The following TTN variants were observed in gnomAD, a reference collection of about 807,000 sequenced individuals.
The protein encoded by TTN is titin, also known as connectin.
In TTN, 1,525 loss-of-function variants were observed where a neutral mutation model predicts 3,223.0. The ratio of observed to expected loss-of-function variants is 0.47; its 90% CI spans 0.45 to 0.49. The LOEUF (loss-of-function observed/expected upper bound fraction) is 0.49, where lower values mean the gene tolerates loss of function less well. Among genes scored for constraint, TTN ranks in the 20% least tolerant of loss-of-function variants. The pLI is 0.00. For missense variants in TTN, 40,786 were observed against 43,424.0 expected, an observed-to-expected ratio of 0.94 and a Z score of 5.40; for synonymous variants, 14,094 against 15,161.0, an observed-to-expected ratio of 0.93 and a Z score of 5.17.
At chr2:178,770,017 G>A (rs2091237474) in intron 36 of TTN, 43 bp downstream of exon 36, 2 of 1,614,062 alleles carry the variant, frequency 1.2e-6, no homozygotes, top group Non-Finnish European at 1.7e-6. Context: ...AGATACATGG[G>A]GTTCATTAAG....
Position 178,739,879 on chromosome 2 carries a change from T to C in TTN, c.13354A>G (p.Thr4452Ala). ...TCAATAATGATGGTTACTTCTTCTGTTACAGACTTTGCCGAAGTAACAAGG... is the reference window on the plus strand; with the variant it reads ...TCAATAATGATGGTTACTTCTTCTGCTACAGACTTTGCCGAAGTAACAAGG... ...MYLVTSAKSV[T>A]EEVTIIIEDV... The change falls in exon 48 of 363, where the codon ACA (threonine) becomes GCA (alanine). Residue 4452 changes from threonine to alanine, a missense_variant. Physicochemically the swap from Thr to Ala is moderately conservative, Grantham distance 58. Transcript: ENST00000589042. The C allele has an allele frequency of 6.2e-7, 1 of 1,613,888 alleles. No homozygotes were observed. Among genetic ancestry groups the C allele is most frequent in the Non-Finnish European group, 8.5e-7 (1 of 1,179,830 alleles).
rs1686454234 is a variant in TTN at position 178,526,428 on chromosome 2, T to C, written c.*584A>G. On this transcript the variant is annotated 3_prime_UTR_variant, in exon 363 of 363. Transcript: ENST00000589042. ...GCCGTTACACTTTGCTCTGGTAATA[T>C]TTGTCATGATAATTTTGTGTGACAT... 1 of 152,794 alleles carries C rather than the reference T, an allele frequency of 6.5e-6. No individual in the cohort carries two copies. Among genetic ancestry groups the C allele is most frequent in the South Asian group, 2.1e-4 (1 of 4,828 alleles). 9.5% of individuals were successfully genotyped at this position (152,794 alleles called of 1,614,324 possible).
chr2:178,759,163 A>G lies in TTN; in HGVS notation c.10124T>C (p.Val3375Ala), dbSNP rs2088242575. 1 of 1,613,964 alleles carries G rather than the reference A, an allele frequency of 6.2e-7. No individual in the cohort carries two copies. Among genetic ancestry groups the G allele is most frequent in the Non-Finnish European group, 8.5e-7 (1 of 1,179,932 alleles). ...TTTCTTGTCTTTGCTGTACCACGAC[A>G]CTTTTAGATCTGCGACACAAAAGAA... ...QCRVSGTDLK[V>A]SWYSKDKKIK... The change falls in exon 44 of 363, where the codon GTG (valine) becomes GCG (alanine). Residue 3375 changes from valine (V) to alanine (A), a missense_variant. Val to Ala is a moderately conservative substitution (Grantham distance 64). Coordinates refer to ENST00000589042, the MANE Select transcript of TTN (RefSeq NM_001267550.2).
At chr2:178,676,553 C>T (rs2068105993) in intron 147 of TTN, among the ~76,000 whole-genome samples, 1 of 151,810 alleles carries the variant, frequency 6.6e-6, no homozygotes, top group Admixed American at 6.6e-5. Context: ...CAATGATAGA[C>T]TACTTTAATA....
rs761292131 is a variant in TTN, at chr2:178,636,361, G to A, written c.41329+37C>T. 5.8e-6 allele frequency: 9 copies of A among 1,553,682 alleles called. No homozygotes were observed. In the South Asian group the frequency reaches 1.1e-4, roughly 19 times the overall value. On this transcript the variant is annotated intron_variant, in intron 225 of 362. Coordinates refer to ENST00000589042, the MANE Select transcript of TTN (RefSeq NM_001267550.2). The surrounding 1 kb of genome is among the most constrained non-coding windows in gnomAD (Gnocchi z 4.3). ...TGCTACTAAGGTTTGTTACATTAAA[G>A]TTTAATATAGATTATGTTCAGAAGA...
At chr2:178,705,139 T>C (rs2075646268) in intron 103 of TTN, 35 bp downstream of exon 103, 1 of 1,597,664 alleles carries the variant, frequency 6.3e-7, no homozygotes, top group African/African-American at 1.4e-5. Flanking sequence ...TAAATGTGAC[T>C]TTTTTAGCAT....
chr2:178,721,487 G>A (rs767715237), intron 78 of TTN, among the ~76,000 whole-genome samples: 2 of 151,418 alleles, frequency 1.3e-5, no homozygotes, highest in Non-Finnish European at 2.9e-5. Flanking sequence ...GTTTGACTAT[G>A]TAAGTTAAAA....
At chr2:178,627,838 T>C (rs1490389519) in intron 240 of TTN, among the ~76,000 whole-genome samples, 1 of 152,062 alleles carries the variant, frequency 6.6e-6, no homozygotes, top group African/African-American at 2.4e-5. Context: ...AGTGTTCCTA[T>C]ATATAAATCA....
chr2:178,628,683 C>T (rs2059390196), intron 240 of TTN: 2 of 152,112 alleles, frequency 1.3e-5, no homozygotes, highest in Non-Finnish European at 2.9e-5. Flanking sequence ...ATTTCATCCA[C>T]ATATGTGGAT....
Position 178,539,023 on chromosome 2 carries a change from C to T in TTN, c.98912G>A (p.Arg32971His), listed in dbSNP as rs4894028. ...GCCAACATCATTCTGTGCGATGATGCGGAACTGATACTCAGCATCGGGAAC... is the reference window on the plus strand; with the variant it reads ...GCCAACATCATTCTGTGCGATGATGTGGAACTGATACTCAGCATCGGGAAC... ...GLVPDAEYQF[R>H]IIAQNDVGLS... Residue 32971 changes from arginine (R) to histidine (H), a missense_variant, in exon 353 of 363, where the codon CGC becomes CAC. Arg to His is a conservative substitution (Grantham distance 29, BLOSUM62 0). Coordinates refer to ENST00000589042, the MANE Select transcript of TTN (RefSeq NM_001267550.2). 72,978 of 1,613,644 alleles carry T rather than the reference C, an allele frequency of 0.045. 3,448 individuals carry two copies. Among genetic ancestry groups the T allele is most frequent in the Admixed American group, 0.18 (10,826 of 59,974 alleles).
intron 119 of TTN, 125 bp downstream of exon 119, chr2:178,693,484 C>A: frequency 1.6e-6 from 1 of 628,686 alleles, no homozygotes; most frequent in Non-Finnish European, 2.5e-6. Context: ...ATCCTTTGTA[C>A]ATAGTGGCTA....
chr2:178,637,035 T>C (rs947505352), intron 224 of TTN, among the ~76,000 whole-genome samples: 1 of 151,234 alleles, frequency 6.6e-6, no homozygotes, highest in Non-Finnish European at 1.5e-5. Flanking sequence ...TAATCTGAAG[T>C]ATAAAATAGC....
At chr2:178,551,558 G>A in intron 335 of TTN, 72 bp downstream of exon 335, 1 of 1,274,924 alleles carries the variant, frequency 7.8e-7, no homozygotes, top group East Asian at 2.5e-5. Flanking sequence ...GAGAAGAAAA[G>A]CATTCCTTGA....
intron 282 of TTN, among the ~76,000 whole-genome samples, chr2:178,603,148 G>A (rs2053894075): frequency 6.6e-6 from 1 of 151,854 alleles, no homozygotes; most frequent in Non-Finnish European, 1.5e-5. Flanking sequence ...TCCCCCTCCA[G>A]TGGTTAATAT....
rs747327863 is a variant in TTN, at chr2:178,712,389, T to C, written c.27533A>G (p.Asp9178Gly). The C allele has an allele frequency of 2.5e-6, 4 of 1,613,882 alleles. No homozygotes were observed. Among genetic ancestry groups the C allele is most frequent in the Non-Finnish European group, 3.4e-6 (4 of 1,179,834 alleles). The part of the protein sequence containing the change: ...ILEIPSSTVE[D>G]AGQYNCYIEN... ...AATGTAGCAGTTGTATTGTCCTGCA[T>C]CCTCTACTGTGCTACTTGGAATTTC... is the stretch of plus-strand genomic sequence containing the variant. Residue 9178 changes from aspartate (D) to glycine (G), a missense_variant, in exon 95 of 363, where the codon GAT (aspartate) becomes GGT (glycine). Physicochemically the swap from Asp to Gly is moderately conservative, Grantham distance 94. Coordinates refer to ENST00000589042, the MANE Select transcript of TTN (RefSeq NM_001267550.2).
In TTN at chr2:178,582,063, C is replaced by G; in HGVS notation, c.66306G>C (p.Trp22102Cys). 6.2e-7 allele frequency: 1 copy of G among 1,613,218 alleles called. No individual in the cohort carries two copies. ...TAATAGGTTTTCTGTTGACCTTAGTCCAGTTAACAGCCTGGGTTTCCCGCT... is the reference window on the plus strand; with the variant it reads ...TAATAGGTTTTCTGTTGACCTTAGTGCAGTTAACAGCCTGGGTTTCCCGCT... ...LEKRETQAVN[W>C]TKVNRKPIIE... The change falls in exon 315 of 363, where the codon TGG (tryptophan) becomes TGC (cysteine). Residue 22102 changes from tryptophan (W) to cysteine (C), a missense_variant. Transcript: ENST00000589042.
In TTN at chr2:178,555,046, A is replaced by G. The variant is rs748945007; in HGVS notation, c.88413T>C (p.Thr29471=). 6.2e-7 allele frequency: 1 copy of G among 1,613,820 alleles called. No individual in the cohort carries two copies. The highest frequency in any genetic ancestry group is 8.5e-7 in the Non-Finnish European group (1 of 1,179,820). ...RAGISGKPAP[T]IEWYKDDKEL... ...CTTTATCATCTTTATACCACTCAAT[A>G]GTAGGCGCAGGTTTGCCAGAAATGC... is the stretch of plus-strand genomic sequence containing the variant. The change falls in exon 331 of 363, where the codon ACT becomes ACC. Residue 29471 remains threonine, a synonymous_variant. Transcript: ENST00000589042.
intron 257 of TTN, 62 bp downstream of exon 257, chr2:178,616,417 A>ATG: frequency 6.3e-7 from 1 of 1,592,860 alleles, no homozygotes; most frequent in Non-Finnish European, 8.5e-7. Flanking sequence ...ATGGCATCCC[A>ATG]ACCTTCTGGG....
chr2:178,667,530 A>G lies in TTN; in HGVS notation c.35630-5T>C, dbSNP rs1473128971. 1 of 1,595,690 alleles carries G rather than the reference A, an allele frequency of 6.3e-7. No homozygotes were observed. Among genetic ancestry groups the G allele is most frequent in the South Asian group, 1.1e-5 (1 of 90,754 alleles). ...CTTTCTTGGGTGGCTCAGGCACTTAAAAGATATGAGTATAGTTATATTTAT... is the reference window on the plus strand; with the variant it reads ...CTTTCTTGGGTGGCTCAGGCACTTAGAAGATATGAGTATAGTTATATTTAT... On this transcript the variant is annotated splice_region_variant and splice_polypyrimidine_tract_variant and intron_variant, in intron 160 of 362. Coordinates refer to ENST00000589042, the MANE Select transcript of TTN (RefSeq NM_001267550.2).
Sources: gnomAD v4.1 joint callset for allele counts (sites outside exome capture counted in the v4.1 genomes callset) on GRCh38, gnomAD v4.1.1 for gene constraint, Gnocchi (gnomAD v3.1) non-coding constraint, MANE v1.5 for transcripts, NCBI Gene and HGNC (gene_info 2026-07-23, HGNC 2026-07-21) for gene names.